CAPN3: variants seen among roughly 807,000 people sequenced by gnomAD.
The protein encoded by CAPN3 is calpain-3.
Under a neutral mutation model 114.0 loss-of-function variants are expected in CAPN3, and 88 were observed. That is an observed-to-expected ratio of 0.77 (90% CI 0.65 to 0.92). CAPN3 has a LOEUF of 0.92. Among genes scored for constraint, CAPN3 ranks in the 40% least tolerant of loss-of-function variants. CAPN3 has a pLI of 0.00. For synonymous variants in CAPN3, 386 were observed against 382.9 expected (o/e 1.01, Z -0.09); for missense variants, 1,028 against 1,069.0 (o/e 0.96, Z 0.53).
chr15:42,403,253 A>G (rs764618842), intron 13 of CAPN3, among the ~76,000 whole-genome samples: 3 of 152,260 alleles, frequency 2.0e-5, no homozygotes, highest in Admixed American at 2.0e-4. Context: ...CCCTGCCTTC[A>G]TGGAGCTTAA....
intron 21 of CAPN3, 100 bp downstream of exon 21, chr15:42,410,766 G>A: frequency 7.3e-7 from 1 of 1,362,960 alleles, no homozygotes; most frequent in East Asian, 2.3e-5. Flanking sequence ...GAAAGGAGAG[G>A]GAAAGGGCTT....
chr15:42,396,336 G>A (rs985955176), intron 8 of CAPN3, among the ~76,000 whole-genome samples: 3 of 149,156 alleles, frequency 2.0e-5, no homozygotes. Flanking sequence ...TCCGCCTCCC[G>A]GGTTCAAGTG....
intron 8 of CAPN3, 26 bp from the exon 9 acceptor site, chr15:42,396,774 C>T (rs1360013383): frequency 6.3e-7 from 1 of 1,591,502 alleles, no homozygotes; most frequent in Non-Finnish European, 8.6e-7. Flanking sequence ...CTTCCTGCTT[C>T]CTTAATTCCT....
intron 8 of CAPN3, among the ~76,000 whole-genome samples, chr15:42,395,938 G>T (rs1410701223): frequency 6.6e-6 from 1 of 152,190 alleles, no homozygotes; most frequent in East Asian, 1.9e-4. Flanking sequence ...GAGAGAGTGT[G>T]AAAACTGCCC....
intron 1 of CAPN3, among the ~76,000 whole-genome samples, chr15:42,365,651 G>A (rs777410577): frequency 6.6e-5 from 10 of 151,860 alleles, no homozygotes; most frequent in Middle Eastern, 3.2e-3. Context: ...GGCCCCACCC[G>A]TTCCCAGCTC....
Position 42,409,409 on chromosome 15 carries a change from C to G in CAPN3, c.1992+29C>G, listed in dbSNP as rs777600035. ...AGTACCTCCAAGCCCAGGACGCCCA[C>G]AGGTGCTTCCTTCTCTCCTGGATTA... On this transcript the variant is annotated intron_variant, in intron 17 of 23. Coordinates refer to ENST00000397163, the MANE Select transcript of CAPN3 (RefSeq NM_000070.3). 9.6e-6 allele frequency: 15 copies of G among 1,567,368 alleles called. No individual in the cohort carries two copies. In the South Asian group the frequency reaches 1.6e-4, roughly 16 times the overall value.
At chr15:42,410,367 C>T in intron 19 of CAPN3, 61 bp from the exon 20 acceptor site, 1 of 1,507,140 alleles carries the variant, frequency 6.6e-7, no homozygotes, top group South Asian at 1.1e-5. Flanking sequence ...CTCCTAGACC[C>T]TCCCTCCAAA....
At position 42,410,653 on chromosome 15, in the gene CAPN3, A is replaced by C. The variant is rs1396899657; in HGVS notation, c.2250A>C (p.Ala750=). ...GTINSYEMRN[A]VNDAGFHLNN... is the part of the protein sequence containing the mutation. ...TCAACAGCTACGAGATGCGAAATGC[A>C]GTCAACGACGCAGGTGCTGAGAAGG... Residue 750 remains alanine (A), a synonymous_variant, in exon 21 of 24, where the codon GCA becomes GCC. Coordinates refer to ENST00000397163, the MANE Select transcript of CAPN3 (RefSeq NM_000070.3). The C allele has an allele frequency of 3.7e-6, 6 of 1,613,736 alleles. No individual in the cohort carries two copies. Among genetic ancestry groups the C allele is most frequent in the Non-Finnish European group, 5.1e-6 (6 of 1,179,780 alleles).
chr15:42,386,253 A>T lies in CAPN3; in HGVS notation c.466A>T (p.Ile156Phe), dbSNP rs780611743. Residue 156 changes from isoleucine to phenylalanine, a missense_variant, in exon 3 of 24, where the codon ATC becomes TTC. Transcript: ENST00000397163. ...FRVIPHDQSF[I>F]ENYAGIFHFQ... is the part of the protein sequence containing the mutation. ...AGTCATACCCCATGATCAAAGTTTC[A>T]TCGAAAACTACGCAGGGATCTTCCA... 2.5e-6 allele frequency: 4 copies of T among 1,613,702 alleles called. No individual in the cohort carries two copies. The highest frequency in any genetic ancestry group is 3.4e-6 in the Non-Finnish European group (4 of 1,179,786).
intron 1 of CAPN3, among the ~76,000 whole-genome samples, chr15:42,369,449 C>T (rs991378684): frequency 1.3e-5 from 2 of 151,802 alleles, no homozygotes; most frequent in African/African-American, 4.8e-5. Context: ...CTGCAGTGAG[C>T]CAAAATTGCG....
chr15:42,406,324 G>C (rs28364512), intron 15 of CAPN3, among the ~76,000 whole-genome samples: 8 of 152,086 alleles, frequency 5.3e-5, no homozygotes, highest in African/African-American at 1.9e-4. Flanking sequence ...TCCAGAGTCC[G>C]TGTCCTGAAC....
At chr15:42,403,849 T>C in intron 14 of CAPN3, 72 bp downstream of exon 14, 3 of 1,358,570 alleles carry the variant, frequency 2.2e-6, no homozygotes, top group South Asian at 2.3e-5. Context: ...GGACAGATGG[T>C]GCAGGGGAGA....
chr15:42,399,975 G>C (rs974146999), intron 10 of CAPN3, among the ~76,000 whole-genome samples: 2 of 152,132 alleles, frequency 1.3e-5, no homozygotes, highest in Non-Finnish European at 2.9e-5. Flanking sequence ...TCATAGCTTA[G>C]CCTGGCCTAC....
chr15:42,402,309 C>A, intron 12 of CAPN3, 174 bp downstream of exon 12: 1 of 1,548,648 alleles, frequency 6.5e-7, no homozygotes, highest in Middle Eastern at 2.3e-4. Context: ...CATTGCATGA[C>A]CCATGACTAC....
intron 1 of CAPN3, among the ~76,000 whole-genome samples, chr15:42,375,049 T>G (rs564250730): frequency 6.6e-6 from 1 of 151,078 alleles, no homozygotes; most frequent in Admixed American, 6.6e-5. Context: ...AGATGGGGCC[T>G]CACTATGTTG....
Position 42,394,324 on chromosome 15 carries a change from CG to C in CAPN3, c.1100del (p.Gly367ValfsTer67). 6.4e-7 allele frequency: 1 copy of C among 1,561,218 alleles called. No homozygotes were observed. The highest frequency in any genetic ancestry group is 8.7e-7 in the Non-Finnish European group (1 of 1,152,078). On this transcript the variant is annotated frameshift_variant, in exon 8 of 24. Coordinates refer to ENST00000397163, the MANE Select transcript of CAPN3 (RefSeq NM_000070.3). LOFTEE classifies it high-confidence loss of function. ...RNPWGQVEWN[G>X]SWSDRWKDWS... ...ATCCGTGGGGCCAGGTGGAGTGGAACGGTTCTTGGAGTGATAGGTAGGTGAG... is the reference window on the plus strand; with the variant it reads ...ATCCGTGGGGCCAGGTGGAGTGGAACGTTCTTGGAGTGATAGGTAGGTGAG...
chr15:42,391,400 T>C (rs2053552804), intron 6 of CAPN3, among the ~76,000 whole-genome samples: 1 of 152,164 alleles, frequency 6.6e-6, no homozygotes, highest in Admixed American at 6.5e-5. Flanking sequence ...AGCAGCTTCC[T>C]AGGTCTAGAA....
chr15:42,402,875 A>G lies in CAPN3; in HGVS notation c.1618A>G (p.Met540Val). The change falls in exon 13 of 24, where the codon ATG becomes GTG. Residue 540 changes from methionine to valine, a missense_variant. Physicochemically the swap from Met to Val is conservative, Grantham distance 21 (BLOSUM62 1). Coordinates refer to ENST00000397163, the MANE Select transcript of CAPN3 (RefSeq NM_000070.3). Reference sequence around the variant, plus strand: ...GGCCAGGAGCAAAACCTACATCAACATGCGGGAGGTGTCCCAGCGCTTCCG... The same window carrying G: ...GGCCAGGAGCAAAACCTACATCAACGTGCGGGAGGTGTCCCAGCGCTTCCG... ...SKARSKTYIN[M>V]REVSQRFRLP... 2 of 1,614,130 alleles carry G rather than the reference A, an allele frequency of 1.2e-6. No individual in the cohort carries two copies. Among genetic ancestry groups the G allele is most frequent in the Non-Finnish European group, 1.7e-6 (2 of 1,179,972 alleles).
intron 14 of CAPN3, among the ~76,000 whole-genome samples, chr15:42,404,622 C>G (rs1566981990): frequency 2.0e-5 from 3 of 152,216 alleles, no homozygotes; most frequent in African/African-American, 7.2e-5. Context: ...GCACAGAGTG[C>G]TGTGTGTTGG....
Sources: gnomAD v4.1 joint callset for allele counts (sites outside exome capture counted in the v4.1 genomes callset) on GRCh38, gnomAD v4.1.1 for gene constraint, MANE v1.5 for transcripts, NCBI Gene and HGNC (gene_info 2026-07-23, HGNC 2026-07-21) for gene names.